The following PITPNM2 variants were observed in gnomAD, a reference collection of about 807,000 sequenced individuals.
The protein encoded by PITPNM2 is membrane-associated phosphatidylinositol transfer protein 2.
A neutral mutation model predicts 132.2 loss-of-function variants in PITPNM2; 35 were observed. That is an observed-to-expected ratio of 0.26 (90% CI 0.20 to 0.35). PITPNM2 has a LOEUF of 0.35. Ranked by LOEUF, PITPNM2 falls within the 10% of genes least tolerant of loss-of-function variation. PITPNM2 has a pLI of 1.00. For synonymous variants in PITPNM2, 738 were observed against 799.2 expected, an observed-to-expected ratio of 0.92 and a Z score of 1.29; for missense variants, 1,332 against 1,912.0, an observed-to-expected ratio of 0.70 and a Z score of 5.66.
Position 122,988,337 on chromosome 12 carries a change from T to A in PITPNM2, c.2894A>T (p.Asp965Val). 1 of 1,613,310 alleles carries A rather than the reference T, an allele frequency of 6.2e-7. No individual in the cohort carries two copies. The highest frequency in any genetic ancestry group is 8.5e-7 in the Non-Finnish European group (1 of 1,179,940). The change falls in exon 20 of 26, where the codon GAC (aspartate) becomes GTC (valine). Residue 965 changes from aspartate to valine, a missense_variant. Coordinates refer to ENST00000320201, the MANE Select transcript of PITPNM2 (RefSeq NM_020845.3). ...ATCCAGCTCCAAGATGCTGGAGTTGTCATGCCTCATGACCTGGGAAGAGGG... is the reference window on the plus strand; with the variant it reads ...ATCCAGCTCCAAGATGCTGGAGTTGACATGCCTCATGACCTGGGAAGAGGG... ...SFLLRQVMRH[D>V]NSSILELDGK...
At chr12:123,101,429 A>G (rs553371533) in intron 2 of PITPNM2, among the ~76,000 whole-genome samples, 1 of 152,364 alleles carries the variant, frequency 6.6e-6, no homozygotes, top group Admixed American at 6.5e-5. Flanking sequence ...GTTTCCCAAG[A>G]GTATTTATCA....
Position 122,988,306 on chromosome 12 carries a change from C to T in PITPNM2, c.2925G>A (p.Lys975=). The change falls in exon 20 of 26, where the codon AAG becomes AAA. Residue 975 remains lysine (K), a synonymous_variant. Transcript: ENST00000320201. ...DNSSILELDG[K]EVSVFTPSKP... ...TTGAGGGGGTGAACACCGACACTTC[C>T]TTGCCATCCAGCTCCAAGATGCTGG... The T allele has an allele frequency of 3.1e-6, 5 of 1,613,510 alleles. No homozygotes were observed. The highest frequency in any genetic ancestry group is 4.2e-6 in the Non-Finnish European group (5 of 1,179,998).
chr12:123,125,996 A>G (rs1418711651), intron 1 of PITPNM2, among the ~76,000 whole-genome samples: 1 of 139,362 alleles, frequency 7.2e-6, no homozygotes, highest in African/African-American at 2.7e-5. Flanking sequence ...CAGCCTCCGG[A>G]GTAGCTGGGA....
rs2136975248 is a variant in PITPNM2, at chr12:123,078,157, A to C, written c.-96+32228T>G. Among the ~76,000 whole-genome samples, 1 of 152,284 alleles carries C rather than the reference A, an allele frequency of 6.6e-6. No homozygotes were observed. The highest frequency in any genetic ancestry group is 1.9e-4 in the East Asian group (1 of 5,174). On this transcript the variant is annotated intron_variant, in intron 2 of 25. Coordinates refer to ENST00000320201, the MANE Select transcript of PITPNM2 (RefSeq NM_020845.3). The surrounding 1 kb of genome is among the most constrained non-coding windows in gnomAD (Gnocchi z 7.3). ...TGATTTTCTCTCCTCCACTGGGACC[A>C]CTGAGCTGAGTTGCCATGGAGAAAG...
At chr12:123,070,250 T>TCAGAC (rs1269745614) in intron 2 of PITPNM2, among the ~76,000 whole-genome samples, 1 of 152,108 alleles carries the variant, frequency 6.6e-6, no homozygotes, top group Non-Finnish European at 1.5e-5. Context: ...CTGAAAGCTA[T>TCAGAC]CAGACTGCAA....
intron 2 of PITPNM2, among the ~76,000 whole-genome samples, chr12:123,096,420 C>T (rs2042412422): frequency 1.3e-5 from 2 of 152,178 alleles, no homozygotes; most frequent in South Asian, 2.1e-4. Flanking sequence ...GCCAGCTTAC[C>T]GACTTCAATC....
rs148753086 is a variant in PITPNM2, at chr12:123,009,968, G to A, written c.525C>T (p.Asn175=). ...CCTGCTTCTTGTACTCCTCGATCCAGTTCTCGGACAGGGGCCCCCGCTGGG... is the reference window on the plus strand; with the variant it reads ...CCTGCTTCTTGTACTCCTCGATCCAATTCTCGGACAGGGGCCCCCGCTGGG... The part of the protein sequence containing the change: ...TKTQRGPLSE[N]WIEEYKKQVF... Residue 175 remains asparagine (N), a synonymous_variant, in exon 6 of 26, where the codon AAC becomes AAT. Coordinates refer to ENST00000320201, the MANE Select transcript of PITPNM2 (RefSeq NM_020845.3). The surrounding 1 kb of genome is among the most constrained non-coding windows in gnomAD (Gnocchi z 4.8). The A allele has an allele frequency of 9.9e-5, 159 of 1,614,104 alleles. No homozygotes were observed. Among genetic ancestry groups the A allele is most frequent in the Non-Finnish European group, 1.3e-4 (153 of 1,180,048 alleles).
chr12:123,133,430 T>C (rs906363824), intron 1 of PITPNM2, among the ~76,000 whole-genome samples: 2 of 152,150 alleles, frequency 1.3e-5, no homozygotes, highest in African/African-American at 2.4e-5. Flanking sequence ...AACAAATACA[T>C]TGATCACTCA....
chr12:123,107,664 G>A (rs1292508508), intron 2 of PITPNM2, among the ~76,000 whole-genome samples: 1 of 152,186 alleles, frequency 6.6e-6, no homozygotes, highest in Non-Finnish European at 1.5e-5. Context: ...AGGGCCCGGT[G>A]GTCACTATGC....
intron 3 of PITPNM2, among the ~76,000 whole-genome samples, chr12:123,017,984 TTTCCTTCCTTCCTTCCTTCCTTCCTTCC>T (rs1163587142): frequency 2.2e-5 from 2 of 90,292 alleles, no homozygotes; most frequent in African/African-American, 8.6e-5. Flanking sequence ...TTCTCTCACT[TTTCCTTCCTTCCTTCCTTCCTTCCTTCC>T]TTCCTTCCTT....
At chr12:123,137,977 C>A (rs2043419253) in intron 1 of PITPNM2, among the ~76,000 whole-genome samples, 1 of 151,874 alleles carries the variant, frequency 6.6e-6, no homozygotes. Flanking sequence ...GGAAATGGGA[C>A]AACTGATGTC....
intron 10 of PITPNM2, among the ~76,000 whole-genome samples, chr12:122,999,100 G>A (rs2038547719): frequency 6.7e-6 from 1 of 148,560 alleles, no homozygotes; most frequent in Non-Finnish European, 1.5e-5. Flanking sequence ...CACAGAGTGA[G>A]ACCCTGTCTC....
intron 2 of PITPNM2, among the ~76,000 whole-genome samples, chr12:123,054,871 C>T (rs908434360): frequency 1.3e-5 from 2 of 152,114 alleles, no homozygotes; most frequent in Non-Finnish European, 2.9e-5. Flanking sequence ...TAAGATCAGC[C>T]TAGACAACAC....
chr12:123,013,725 C>G (rs1000306959), intron 4 of PITPNM2, 103 bp downstream of exon 4: 4 of 1,317,176 alleles, frequency 3.0e-6, no homozygotes, highest in Non-Finnish European at 4.2e-6. Flanking sequence ...GTTGTTGAAC[C>G]TGCTTGAAGG....
intron 1 of PITPNM2, among the ~76,000 whole-genome samples, chr12:123,132,486 T>G (rs541220070): frequency 6.6e-6 from 1 of 152,162 alleles, no homozygotes; most frequent in Non-Finnish European, 1.5e-5. Flanking sequence ...GCCTGAAATT[T>G]TTGTTTGTTG....
intron 2 of PITPNM2, among the ~76,000 whole-genome samples, chr12:123,107,373 T>C (rs1431967957): frequency 6.6e-6 from 1 of 152,190 alleles, no homozygotes; most frequent in Non-Finnish European, 1.5e-5. Flanking sequence ...AATATTCTCC[T>C]TGGCTGGGAC....
rs371332083 is a variant in PITPNM2, at chr12:123,023,093, C to T, written c.79-9051G>A. On this transcript the variant is annotated intron_variant, in intron 3 of 25. Transcript: ENST00000320201. The surrounding 1 kb of genome is among the most constrained non-coding windows in gnomAD (Gnocchi z 4.8). ...GCACAGCTGAATGAGGTAGGCAGTT[C>T]GAAGCACAGGCTGGGCTGGGGCCAG... 1.1e-4 allele frequency among the ~76,000 whole-genome samples: 16 copies of T among 152,354 alleles called. No individual in the cohort carries two copies. The highest frequency in any genetic ancestry group is 2.4e-4 in the African/African-American group (10 of 41,594).
intron 8 of PITPNM2, among the ~76,000 whole-genome samples, chr12:123,003,247 A>G (rs897377390): frequency 1.4e-4 from 21 of 152,172 alleles, no homozygotes; most frequent in African/African-American, 4.8e-4. Context: ...CACCAGGCTC[A>G]TGGCTACTGT....
chr12:123,006,870 C>T (rs2038955810), intron 6 of PITPNM2, among the ~76,000 whole-genome samples: 1 of 151,986 alleles, frequency 6.6e-6, no homozygotes, highest in African/African-American at 2.4e-5. Flanking sequence ...AAGTTGTGCC[C>T]AGCTGTGAAT....
Sources: gnomAD v4.1 joint callset for allele counts (sites outside exome capture counted in the v4.1 genomes callset) on GRCh38, gnomAD v4.1.1 for gene constraint, Gnocchi (gnomAD v3.1) non-coding constraint, MANE v1.5 for transcripts, NCBI Gene and HGNC (gene_info 2026-07-23, HGNC 2026-07-21) for gene names.